Variants in RAB3IP observed in about 807,000 individuals in gnomAD.
RAB3IP encodes the protein rab-3A-interacting protein.
A neutral mutation model predicts 59.1 loss-of-function variants in RAB3IP; 36 were observed. The ratio of observed to expected loss-of-function variants is 0.61; its 90% CI spans 0.47 to 0.80. The LOEUF is 0.80. Among genes scored for constraint, RAB3IP ranks in the 30% least tolerant of loss-of-function variants. The pLI, the probability that RAB3IP is intolerant of heterozygous loss-of-function variation, is 0.00. For synonymous variants in RAB3IP, 207 were observed against 191.2 expected (o/e 1.08, Z -0.68); for missense variants, 511 against 536.0 (o/e 0.95, Z 0.46).
At chr12:69,739,970 T>C (rs548873310) in intron 1 of RAB3IP, 81 of 1,109,346 alleles carry the variant, frequency 7.3e-5, no homozygotes, top group African/African-American at 6.2e-4. Flanking sequence ...CTACCTGTTA[T>C]ACACTCTCCT....
rs1351182059 is a variant in RAB3IP, at chr12:69,739,986, A to AC, written c.-26+959dup. On this transcript the variant is annotated intron_variant, in intron 1 of 10. Transcript: ENST00000247833. The stretch of plus-strand genomic sequence containing the variant: ...TACCTGTTATACACTCTCCTGTTTC[A>AC]CCCCAACTCCTTCCGTTCAGTGTCG... 4 of 903,772 alleles carry AC rather than the reference A, an allele frequency of 4.4e-6. No homozygotes were observed. In the African/African-American group the frequency reaches 6.7e-5, roughly 15 times the overall value. 56.0% of individuals were successfully genotyped at this position (903,772 alleles called of 1,614,324 possible). A position where few individuals can be genotyped will look rare whatever the true frequency, so the allele number is the denominator to read the frequency against.
At chr12:69,784,554 C>T (rs766090860) in intron 3 of RAB3IP, among the ~76,000 whole-genome samples, 166 bp from the exon 4 acceptor site, 1 of 151,588 alleles carries the variant, frequency 6.6e-6, no homozygotes, top group African/African-American at 2.4e-5. Context: ...TTTGGACTTG[C>T]CTGATTGTCT....
chr12:69,769,168 C>T (rs557283957), intron 3 of RAB3IP, among the ~76,000 whole-genome samples: 64 of 152,262 alleles, frequency 4.2e-4, no homozygotes, highest in Middle Eastern at 3.4e-3. Flanking sequence ...ACTGTAAGTC[C>T]GTTAAACCTC....
At chr12:69,743,288 A>T (rs1887524445) in intron 1 of RAB3IP, among the ~76,000 whole-genome samples, 1 of 152,222 alleles carries the variant, frequency 6.6e-6, no homozygotes, top group Non-Finnish European at 1.5e-5. Context: ...GAAAAACCAA[A>T]ATAAGTTTGA....
intron 1 of RAB3IP, among the ~76,000 whole-genome samples, chr12:69,742,015 C>G (rs1887394692): frequency 6.6e-6 from 1 of 152,242 alleles, no homozygotes; most frequent in East Asian, 1.9e-4. Flanking sequence ...GGAAACTGTT[C>G]TTAAGGAATA....
intron 3 of RAB3IP, among the ~76,000 whole-genome samples, chr12:69,770,223 A>G (rs1370216979): frequency 1.2e-4 from 19 of 152,222 alleles, no homozygotes; most frequent in Admixed American, 1.3e-4. Flanking sequence ...ACACTTGATT[A>G]TAGAGTTGTA....
At chr12:69,808,280 T>C (rs1879801962) in intron 8 of RAB3IP, among the ~76,000 whole-genome samples, 1 of 152,202 alleles carries the variant, frequency 6.6e-6, no homozygotes, top group Admixed American at 6.5e-5. Flanking sequence ...TTCTGTTCTT[T>C]TACATTTGCT....
At chr12:69,792,846 CA>C (rs1876855659) in intron 4 of RAB3IP, among the ~76,000 whole-genome samples, 1 of 152,082 alleles carries the variant, frequency 6.6e-6, no homozygotes, top group Admixed American at 6.6e-5. Flanking sequence ...TAAAAACAAA[CA>C]AAAAACTTTT....
chr12:69,803,956 C>A (rs912115918), intron 8 of RAB3IP, among the ~76,000 whole-genome samples: 2 of 152,198 alleles, frequency 1.3e-5, no homozygotes, highest in Non-Finnish European at 2.9e-5. Context: ...CCGCAATAAA[C>A]ATACATGTGC....
chr12:69,760,747 T>C (rs1871183629), intron 3 of RAB3IP, among the ~76,000 whole-genome samples: 2 of 152,184 alleles, frequency 1.3e-5, no homozygotes, highest in Admixed American at 1.3e-4. Context: ...AGCATGTACA[T>C]TGTTTCTCAC....
In RAB3IP at chr12:69,803,118, C is replaced by CAT. The variant is rs145372476; in HGVS notation, c.1130+1404_1130+1405dup. ...AAATTTGTGCTTGCATTATATATCA[C>CAT]ATATATATGTGCAGATATCATCAAA... On this transcript the variant is annotated intron_variant, in intron 8 of 10. Coordinates refer to ENST00000247833, the MANE Select transcript of RAB3IP (RefSeq NM_022456.5). 3.3e-3 allele frequency among the ~76,000 whole-genome samples: 497 copies of CAT among 152,092 alleles called. 5 individuals are homozygous for CAT. The highest frequency in any genetic ancestry group is 0.011 in the African/African-American group (446 of 41,472).
intron 3 of RAB3IP, among the ~76,000 whole-genome samples, chr12:69,758,026 G>C (rs1267399367): frequency 6.6e-6 from 1 of 152,142 alleles, no homozygotes; most frequent in Non-Finnish European, 1.5e-5. Context: ...TTTATGAAGA[G>C]TATAAGTTAG....
At chr12:69,759,258 C>T (rs1335917692) in intron 3 of RAB3IP, among the ~76,000 whole-genome samples, 181 of 148,462 alleles carry the variant, frequency 1.2e-3, no homozygotes, top group African/African-American at 4.3e-3. Flanking sequence ...TCCATTTAAC[C>T]CTGAGTGGAC....
At chr12:69,760,385 G>A (rs1043580019) in intron 3 of RAB3IP, among the ~76,000 whole-genome samples, 7 of 151,846 alleles carry the variant, frequency 4.6e-5, no homozygotes, top group African/African-American at 1.4e-4. Flanking sequence ...AGAGGGCGAG[G>A]GAGACCGTGG....
At chr12:69,797,324 C>A (rs1877588436) in intron 6 of RAB3IP, among the ~76,000 whole-genome samples, 1 of 152,134 alleles carries the variant, frequency 6.6e-6, no homozygotes, top group Non-Finnish European at 1.5e-5. Context: ...CTGTCTTGCA[C>A]AGTTGTGAGG....
At chr12:69,740,380 G>C (rs1887200423) in intron 1 of RAB3IP, among the ~76,000 whole-genome samples, 1 of 152,138 alleles carries the variant, frequency 6.6e-6, no homozygotes, top group African/African-American at 2.4e-5. Flanking sequence ...CGGCTTATGT[G>C]ATCTAATCCT....
chr12:69,791,094 G>C (rs940616469), intron 4 of RAB3IP, among the ~76,000 whole-genome samples: 1 of 152,176 alleles, frequency 6.6e-6, no homozygotes, highest in Non-Finnish European at 1.5e-5. Flanking sequence ...GTGGGGAGTA[G>C]ATAGTCTTAT....
chr12:69,761,565 C>A (rs994588838), intron 3 of RAB3IP, among the ~76,000 whole-genome samples: 14 of 152,130 alleles, frequency 9.2e-5, no homozygotes, highest in African/African-American at 3.1e-4. Flanking sequence ...TTCAAGTAAT[C>A]CACATAGAAA....
chr12:69,810,775 G>T (rs1880324046), intron 8 of RAB3IP, among the ~76,000 whole-genome samples: 1 of 152,140 alleles, frequency 6.6e-6, no homozygotes, highest in Non-Finnish European at 1.5e-5. Context: ...AATGGAAAAG[G>T]CTTTGATTTG....
Sources: allele counts gnomAD v4.1 joint callset (sites outside exome capture counted in the v4.1 genomes callset), GRCh38; gene constraint gnomAD v4.1.1; transcripts MANE v1.5; gene names NCBI Gene and HGNC (gene_info 2026-07-23, HGNC 2026-07-21).